The following PCDH7 variants were observed in gnomAD, a reference collection of about 807,000 sequenced individuals.
The protein encoded by PCDH7 is protocadherin 7.
PCDH7 carries 17 observed loss-of-function variants against 58.9 expected under a neutral mutation model. The observed-to-expected ratio is 0.29, with a 90% CI of 0.20 to 0.43. The LOEUF is 0.43. PCDH7 is among the 20% of genes least tolerant of loss of function. The pLI is 1.00. For synonymous variants in PCDH7, 664 were observed against 616.4 expected, an observed-to-expected ratio of 1.08 and a Z score of -1.14; for missense variants, 1,274 against 1,441.0, an observed-to-expected ratio of 0.88 and a Z score of 1.88.
intron 2 of PCDH7, among the ~76,000 whole-genome samples, chr4:30,925,267 G>T (rs566632385): frequency 6.6e-6 from 1 of 152,154 alleles, no homozygotes; most frequent in East Asian, 1.9e-4. Flanking sequence ...ATGGCCAAGT[G>T]TAATGAGCAT....
chr4:31,045,886 A>G (rs1269739598), intron 3 of PCDH7, among the ~76,000 whole-genome samples: 5 of 152,038 alleles, frequency 3.3e-5, no homozygotes, highest in African/African-American at 9.7e-5. Flanking sequence ...ATTCTTGAAT[A>G]GGTAGCTGGT....
rs547536122 is a variant in PCDH7, at chr4:31,123,391, C to A, written c.*8-19082C>A. On this transcript the variant is annotated intron_variant, in intron 3 of 3. Transcript: ENST00000509759. The stretch of plus-strand genomic sequence containing the variant: ...GCAATAGTAGTGAGATGGGAGAGAT[C>A]ACTTGACCCCCTTGGACTTCTGAAA... 1.1e-4 allele frequency among the ~76,000 whole-genome samples: 16 copies of A among 152,224 alleles called. No individual in the cohort carries two copies. In the South Asian group the frequency reaches 3.1e-3, roughly 30 times the overall value.
At chr4:30,769,713 C>T (rs988524897) in intron 1 of PCDH7, among the ~76,000 whole-genome samples, 1 of 152,098 alleles carries the variant, frequency 6.6e-6, no homozygotes, top group African/African-American at 2.4e-5. Flanking sequence ...AATGAGATTA[C>T]TTCAGTATAT....
At chr4:30,841,516 C>T (rs960030011) in intron 1 of PCDH7, among the ~76,000 whole-genome samples, 4 of 152,114 alleles carry the variant, frequency 2.6e-5, no homozygotes, top group African/African-American at 9.7e-5. Context: ...AAGCATTACC[C>T]TCCAGACATT....
intron 2 of PCDH7, among the ~76,000 whole-genome samples, chr4:30,934,298 T>C (rs1745057302): frequency 6.6e-6 from 1 of 152,188 alleles, no homozygotes; most frequent in African/African-American, 2.4e-5. Context: ...CAATTGCTCA[T>C]GGGTTTAGAG....
chr4:31,076,920 A>G (rs1759045101), intron 3 of PCDH7, among the ~76,000 whole-genome samples: 1 of 152,188 alleles, frequency 6.6e-6, no homozygotes, highest in Admixed American at 6.5e-5. Flanking sequence ...TCTTATATTT[A>G]GTGATAAAAC....
At chr4:31,056,545 G>GGA (rs1383478831) in intron 3 of PCDH7, among the ~76,000 whole-genome samples, 3 of 143,902 alleles carry the variant, frequency 2.1e-5, no homozygotes, top group African/African-American at 2.6e-5. Flanking sequence ...AAGGAGAGAG[G>GGA]GAGAGAGAGA....
At chr4:30,827,880 G>A (rs1021512664) in intron 1 of PCDH7, among the ~76,000 whole-genome samples, 2 of 152,122 alleles carry the variant, frequency 1.3e-5, no homozygotes, top group African/African-American at 4.8e-5. Flanking sequence ...CTTATAAGAG[G>A]CAGAGCCTAG....
chr4:30,907,559 C>A (rs1741124448), intron 1 of PCDH7, among the ~76,000 whole-genome samples: 1 of 152,156 alleles, frequency 6.6e-6, no homozygotes, highest in African/African-American at 2.4e-5. Flanking sequence ...GATACCATCT[C>A]ACACCAGTTA....
intron 1 of PCDH7, among the ~76,000 whole-genome samples, chr4:30,803,148 G>A (rs933369293): frequency 6.6e-6 from 1 of 152,072 alleles, no homozygotes; most frequent in African/African-American, 2.4e-5. Flanking sequence ...CTTAAGAGGA[G>A]GTTTTGTGAG....
intron 3 of PCDH7, among the ~76,000 whole-genome samples, chr4:31,003,119 ATACT>A (rs1752485758): frequency 6.6e-6 from 1 of 152,214 alleles, no homozygotes. Flanking sequence ...TTCTTTAAAA[ATACT>A]TACCATGCTT....
intron 1 of PCDH7, among the ~76,000 whole-genome samples, chr4:30,764,923 G>A (rs115103767): frequency 6.6e-6 from 1 of 151,844 alleles, no homozygotes; most frequent in African/African-American, 2.4e-5. Flanking sequence ...GTTTCACCAC[G>A]TTGGTCAGGA....
intron 1 of PCDH7, among the ~76,000 whole-genome samples, chr4:30,797,121 C>T (rs189139213): frequency 2.3e-3 from 356 of 151,930 alleles, no homozygotes; most frequent in African/African-American, 8.3e-3. Flanking sequence ...CCACCACGCC[C>T]GGCTAATTTT....
chr4:30,772,061 G>A (rs946806022), intron 1 of PCDH7, among the ~76,000 whole-genome samples: 1 of 151,770 alleles, frequency 6.6e-6, no homozygotes, highest in South Asian at 2.1e-4. Flanking sequence ...GTAGAGATGG[G>A]GTCTCACCAT....
chr4:30,744,502 G>A (rs1343025485), intron 1 of PCDH7, among the ~76,000 whole-genome samples: 3 of 152,134 alleles, frequency 2.0e-5, no homozygotes, highest in East Asian at 1.9e-4. Flanking sequence ...CATTACACTA[G>A]TAGTATGAAG....
chr4:31,069,568 A>T (rs1049635938), intron 3 of PCDH7, among the ~76,000 whole-genome samples: 3 of 152,062 alleles, frequency 2.0e-5, no homozygotes, highest in African/African-American at 7.2e-5. Context: ...CCAAAATGAT[A>T]CTTTAATGCC....
intron 1 of PCDH7, among the ~76,000 whole-genome samples, chr4:30,869,510 A>G (rs1735279230): frequency 6.6e-6 from 1 of 151,974 alleles, no homozygotes; most frequent in Non-Finnish European, 1.5e-5. Flanking sequence ...TTCAACTCCT[A>G]CTTATGAATG....
chr4:31,075,697 T>A (rs1758924481), intron 3 of PCDH7, among the ~76,000 whole-genome samples: 1 of 152,156 alleles, frequency 6.6e-6, no homozygotes, highest in Non-Finnish European at 1.5e-5. Context: ...GACTATCTGA[T>A]ATGGGCCCTG....
At chr4:30,825,069 T>C (rs1053601130) in intron 1 of PCDH7, among the ~76,000 whole-genome samples, 3 of 152,164 alleles carry the variant, frequency 2.0e-5, no homozygotes, top group African/African-American at 7.2e-5. Flanking sequence ...GGACAACCCA[T>C]ACCATTTATT....
Sources: gnomAD v4.1 joint callset for allele counts (sites outside exome capture counted in the v4.1 genomes callset) on GRCh38, gnomAD v4.1.1 for gene constraint, MANE v1.5 for transcripts, NCBI Gene and HGNC (gene_info 2026-07-23, HGNC 2026-07-21) for gene names.